The following WASF3 variants were observed in gnomAD, a reference collection of about 807,000 sequenced individuals.
WASF3 encodes the protein WASP family member 3.
Under a neutral mutation model 46.6 loss-of-function variants are expected in WASF3, and 11 were observed. That is an observed-to-expected ratio of 0.24 (90% confidence interval 0.15 to 0.39). The LOEUF (loss-of-function observed/expected upper bound fraction) is 0.39. Ranked by LOEUF, WASF3 falls within the 10% of genes least tolerant of loss-of-function variation. The pLI is 1.00. For synonymous variants in WASF3, 242 were observed against 259.7 expected (o/e 0.93, Z 0.65); for missense variants, 576 against 669.8 (o/e 0.86, Z 1.55).
intron 1 of WASF3, among the ~76,000 whole-genome samples, chr13:26,588,505 C>T (rs1483664004): frequency 1.3e-5 from 2 of 152,196 alleles, no homozygotes; most frequent in African/African-American, 4.8e-5. Flanking sequence ...TTAAACCTTA[C>T]TTGTGTTTTT....
At chr13:26,550,630 C>G in the WASF3 span, among the ~76,000 whole-genome samples, 1 of 152,146 alleles carries the variant, frequency 6.6e-6, no homozygotes, top group Non-Finnish European at 1.5e-5. Flanking sequence ...CCCCTTCCTC[C>G]CAAGGTTCTG....
At chr13:26,654,099 A>G (rs1168092547) in intron 3 of WASF3, among the ~76,000 whole-genome samples, 1 of 152,154 alleles carries the variant, frequency 6.6e-6, no homozygotes, top group Non-Finnish European at 1.5e-5. Context: ...GATCCAAGTC[A>G]CTATGCCTCT....
At chr13:26,573,258 A>G (rs1160684429) in intron 1 of WASF3, among the ~76,000 whole-genome samples, 1 of 152,178 alleles carries the variant, frequency 6.6e-6, no homozygotes, top group Admixed American at 6.5e-5. Context: ...TCATTTCCAT[A>G]GAGGTGTACA....
chr13:26,580,302 T>G (rs946421379), intron 1 of WASF3, among the ~76,000 whole-genome samples: 1 of 152,146 alleles, frequency 6.6e-6, no homozygotes, highest in Admixed American at 6.5e-5. Context: ...AAAGTTGGCT[T>G]TTGTGGTTTT....
chr13:26,649,471 A>G (rs751768233), intron 3 of WASF3, among the ~76,000 whole-genome samples: 2 of 152,206 alleles, frequency 1.3e-5, no homozygotes, highest in Non-Finnish European at 2.9e-5. Flanking sequence ...TGTCTACACA[A>G]TAAGAGGAAG....
At chr13:26,605,380 T>C (rs2137209668) in intron 1 of WASF3, among the ~76,000 whole-genome samples, 1 of 152,336 alleles carries the variant, frequency 6.6e-6, no homozygotes, top group African/African-American at 2.4e-5. Context: ...TTGATTCAAA[T>C]TCTCATGCTC....
chr13:26,637,738 C>T (rs1419187890), intron 2 of WASF3, among the ~76,000 whole-genome samples: 7 of 152,272 alleles, frequency 4.6e-5, no homozygotes, highest in South Asian at 2.1e-4. Context: ...TCCAGGTCAC[C>T]GTCACTGTAA....
intron 7 of WASF3, among the ~76,000 whole-genome samples, chr13:26,678,458 G>A (rs1883129378): frequency 6.6e-6 from 1 of 151,720 alleles, no homozygotes; most frequent in Non-Finnish European, 1.5e-5. Context: ...TACAAAATTG[G>A]AGTCATGCCA....
intron 1 of WASF3, among the ~76,000 whole-genome samples, chr13:26,580,439 C>T (rs1879942073): frequency 6.6e-6 from 1 of 152,194 alleles, no homozygotes; most frequent in Middle Eastern, 3.4e-3. Flanking sequence ...TGGGCTTTGT[C>T]TAAAACTCGA....
chr13:26,626,757 T>C (rs1371888944), intron 2 of WASF3, among the ~76,000 whole-genome samples: 1 of 152,170 alleles, frequency 6.6e-6, no homozygotes, highest in African/African-American at 2.4e-5. Context: ...AAGATTATTA[T>C]TAGGGGTAAA....
At chr13:26,597,894 T>G (rs1425986465) in intron 1 of WASF3, among the ~76,000 whole-genome samples, 3 of 152,198 alleles carry the variant, frequency 2.0e-5, no homozygotes, top group Non-Finnish European at 2.9e-5. Flanking sequence ...GTTCCAAGTC[T>G]TTGCTATTGT....
Position 26,590,967 on chromosome 13 carries a change from G to C in WASF3, c.-108-21994G>C, listed in dbSNP as rs142494343. 9.5e-4 allele frequency among the ~76,000 whole-genome samples: 144 copies of C among 152,244 alleles called. 1 individual carries two copies. The highest frequency in any genetic ancestry group is 3.4e-3 in the African/African-American group (140 of 41,530). On this transcript the variant is annotated intron_variant, in intron 1 of 9. Transcript: ENST00000335327. ...GGTTCAGGACTTGCAGTTTTAATTG[G>C]GGTGAGGCAGAAGTAATATTTGGGC...
chr13:26,658,168 C>G (rs962871750), intron 3 of WASF3, among the ~76,000 whole-genome samples: 3 of 152,024 alleles, frequency 2.0e-5, no homozygotes, highest in Non-Finnish European at 4.4e-5. Flanking sequence ...TATATGCTGT[C>G]CCTATTAATT....
chr13:26,661,492 G>A (rs1035718220), intron 3 of WASF3, among the ~76,000 whole-genome samples: 1 of 152,212 alleles, frequency 6.6e-6, no homozygotes, highest in Non-Finnish European at 1.5e-5. Flanking sequence ...TTGTATGTGT[G>A]TACCACATTT....
At chr13:26,591,276 G>A (rs1281181409) in intron 1 of WASF3, among the ~76,000 whole-genome samples, 1 of 152,134 alleles carries the variant, frequency 6.6e-6, no homozygotes, top group Non-Finnish European at 1.5e-5. Context: ...GGCCACCAGA[G>A]GGTTTGAAAT....
chr13:26,639,570 A>G (rs1177545598), intron 2 of WASF3, among the ~76,000 whole-genome samples: 1 of 152,202 alleles, frequency 6.6e-6, no homozygotes, highest in Non-Finnish European at 1.5e-5. Context: ...TGCCAGGCAC[A>G]GAGACCCCTA....
intron 7 of WASF3, among the ~76,000 whole-genome samples, chr13:26,678,370 C>T (rs140062587): frequency 5.9e-5 from 9 of 152,078 alleles, no homozygotes; most frequent in Admixed American, 5.2e-4. Flanking sequence ...TATAGTTTCA[C>T]CATGCAGAGA....
chr13:26,591,914 C>T (rs1028319461), intron 1 of WASF3, among the ~76,000 whole-genome samples: 2 of 152,016 alleles, frequency 1.3e-5, no homozygotes, highest in East Asian at 1.9e-4. Flanking sequence ...GCATCCCTGC[C>T]GGGCTCACTG....
In WASF3 at chr13:26,646,358, G is replaced by C. The variant is rs1386222785; in HGVS notation, c.133+3955G>C. ...GTATTTAAAAATTTTAGGAATGTAT[G>C]AGCCTATAGTATTAAAAGTCTTCTT... On this transcript the variant is annotated intron_variant, in intron 3 of 9. Coordinates refer to ENST00000335327, the MANE Select transcript of WASF3 (RefSeq NM_006646.6). Among the ~76,000 whole-genome samples the C allele has an allele frequency of 3.9e-5, 6 of 152,162 alleles. No homozygotes were observed. The East Asian group carries it at 9.6e-4, about 24-fold the overall frequency.
Sources: allele counts gnomAD v4.1 joint callset (sites outside exome capture counted in the v4.1 genomes callset), GRCh38; gene constraint gnomAD v4.1.1; transcripts MANE v1.5; gene names NCBI Gene and HGNC (gene_info 2026-07-23, HGNC 2026-07-21).